Variants in DERA observed in about 807,000 individuals in gnomAD.
DERA encodes the protein 2-deoxy-D-ribose 5-phosphate aldolase.
Under a neutral mutation model 41.1 loss-of-function variants are expected in DERA, and 15 were observed. The observed-to-expected ratio is 0.37, with a 90% CI of 0.24 to 0.56. The LOEUF is 0.56. Among genes scored for constraint, DERA ranks in the 20% least tolerant of loss-of-function variants. DERA has a pLI of 0.81. For missense variants in DERA, 396 were observed against 403.4 expected, an observed-to-expected ratio of 0.98 and a Z score of 0.16; for synonymous variants, 139 against 137.4, an observed-to-expected ratio of 1.01 and a Z score of -0.08.
At chr12:15,919,757 C>T (rs1406859482) in intron 1 of DERA, among the ~76,000 whole-genome samples, 6 of 152,156 alleles carry the variant, frequency 3.9e-5, no homozygotes, top group South Asian at 2.1e-4. Flanking sequence ...GCCTTCCTCC[C>T]GCAAAGCAAA....
At chr12:15,947,356 G>T (rs559778220) in intron 1 of DERA, among the ~76,000 whole-genome samples, 1 of 152,264 alleles carries the variant, frequency 6.6e-6, no homozygotes, top group East Asian at 1.9e-4. Flanking sequence ...CTCTTTGTAG[G>T]TCTCTAAGGA....
rs183523394 is a variant in DERA, at chr12:15,998,534, C to A, written c.637+16098C>A. ...GTTTCTTCATATTGGCCAGGCTGGT[C>A]TCGAACTCCTGACCTCAGGTGATCC... On this transcript the variant is annotated intron_variant, in intron 6 of 8. Transcript: ENST00000428559. This position sits in a 1 kb window ranked among gnomAD's most constrained non-coding sequence, Gnocchi z 4.8. 9.5e-4 allele frequency among the ~76,000 whole-genome samples: 145 copies of A among 152,158 alleles called. No homozygotes were observed. The highest frequency in any genetic ancestry group is 1.8e-3 in the Non-Finnish European group (124 of 68,000).
rs926789521 is a variant in DERA, at chr12:15,915,476, A to G, written c.31+4062A>G. Among the ~76,000 whole-genome samples the G allele has an allele frequency of 2.6e-5, 4 of 152,204 alleles. No individual in the cohort carries two copies. Among genetic ancestry groups the G allele is most frequent in the Middle Eastern group, 3.4e-3 (1 of 294 alleles). On this transcript the variant is annotated intron_variant, in intron 1 of 8. Coordinates refer to ENST00000428559, the MANE Select transcript of DERA (RefSeq NM_015954.4). This position sits in a 1 kb window ranked among gnomAD's most constrained non-coding sequence, Gnocchi z 4.8. ...ATTTATTTGTTTATTTATTGTTTCA[A>G]TAGAGACCGTGTGTCAGTATGTTGA...
In DERA at chr12:15,995,245, A is replaced by G. The variant is rs1565608663; in HGVS notation, c.637+12809A>G. 6.6e-6 allele frequency among the ~76,000 whole-genome samples: 1 copy of G among 152,200 alleles called. No homozygotes were observed. Among genetic ancestry groups the G allele is most frequent in the Non-Finnish European group, 1.5e-5 (1 of 68,030 alleles). ...GAAGACATAATGGCAAGGTGTTTCT[A>G]TAGAGAGGCAAGGTGTTTGCAGAAA... On this transcript the variant is annotated intron_variant, in intron 6 of 8. Transcript: ENST00000428559. This position sits in a 1 kb window ranked among gnomAD's most constrained non-coding sequence, Gnocchi z 5.1.
At position 16,035,596 on chromosome 12, in the gene DERA, C is replaced by T. The variant is rs752978916; in HGVS notation, c.751-636C>T. 2.6e-5 allele frequency among the ~76,000 whole-genome samples: 4 copies of T among 152,182 alleles called. No individual in the cohort carries two copies. The highest frequency in any genetic ancestry group is 5.9e-5 in the Non-Finnish European group (4 of 68,022). On this transcript the variant is annotated intron_variant, in intron 7 of 8. Coordinates refer to ENST00000428559, the MANE Select transcript of DERA (RefSeq NM_015954.4). The surrounding 1 kb of genome is among the most constrained non-coding windows in gnomAD (Gnocchi z 4.1). ...TTAAAGACTACTGGACTATGAGGAG[C>T]CCCTCACGGTGTTTTTCTACTGCCC... is the stretch of plus-strand genomic sequence containing the variant.
In DERA at chr12:16,024,168, A is replaced by G. The variant is rs1017989548; in HGVS notation, c.638-8374A>G. ...CATCCAAAAACTTTGGGACAGTTTCAAAAGGCATAACATATGGTGTATAAT... is the reference window on the plus strand; with the variant it reads ...CATCCAAAAACTTTGGGACAGTTTCGAAAGGCATAACATATGGTGTATAAT... On this transcript the variant is annotated intron_variant, in intron 6 of 8. Coordinates refer to ENST00000428559, the MANE Select transcript of DERA (RefSeq NM_015954.4). Among the ~76,000 whole-genome samples, 8 of 152,226 alleles carry G rather than the reference A, an allele frequency of 5.3e-5. No homozygotes were observed. The East Asian group carries it at 1.5e-3, about 29-fold the overall frequency.
rs12228816 is a variant in DERA, at chr12:16,012,280, A to G, written c.638-20262A>G. 0.066 allele frequency among the ~76,000 whole-genome samples: 10,074 copies of G among 152,272 alleles called. 435 individuals are homozygous for G. The highest frequency in any genetic ancestry group is 0.089 in the Non-Finnish European group (6,082 of 68,016). On this transcript the variant is annotated intron_variant, in intron 6 of 8. Coordinates refer to ENST00000428559, the MANE Select transcript of DERA (RefSeq NM_015954.4). The surrounding 1 kb of genome is among the most constrained non-coding windows in gnomAD (Gnocchi z 4.1). ...TACTCCTGTGTATTTGAAAACTGAA[A>G]GCAAAGCCAGTTCCAGAACAGGATT...
chr12:16,037,307 T>A lies in DERA; in HGVS notation c.*561T>A, dbSNP rs892618488. ...ATAAAGTTCCTATAGTTTATTTTTT[T>A]AAAAAACTTAAAAATTGTTACAATA... is the stretch of plus-strand genomic sequence containing the variant. On this transcript the variant is annotated 3_prime_UTR_variant, in exon 9 of 9. Coordinates refer to ENST00000428559, the MANE Select transcript of DERA (RefSeq NM_015954.4). This position sits in a 1 kb window ranked among gnomAD's most constrained non-coding sequence, Gnocchi z 6.7. The A allele has an allele frequency of 5.3e-5, 8 of 152,334 alleles. No homozygotes were observed. Among genetic ancestry groups the A allele is most frequent in the South Asian group, 4.1e-4 (2 of 4,820 alleles). The allele number at this position is 152,334 out of a possible 1,614,324, so 9.4% of individuals were successfully genotyped here.
chr12:15,961,059 G>A (rs906297387), intron 4 of DERA, among the ~76,000 whole-genome samples: 3 of 152,190 alleles, frequency 2.0e-5, no homozygotes, highest in Non-Finnish European at 2.9e-5. Flanking sequence ...GGTTAGAGGC[G>A]TGACGTGATC....
At chr12:15,951,737 T>C (rs74065513) in intron 1 of DERA, among the ~76,000 whole-genome samples, 2,844 of 152,318 alleles carry the variant, frequency 0.019, 100 homozygotes, top group African/African-American at 0.063. Flanking sequence ...GCATATAGTT[T>C]ATTTTCTTTG....
At chr12:15,939,265 C>T (rs1948392693) in intron 1 of DERA, among the ~76,000 whole-genome samples, 1 of 152,146 alleles carries the variant, frequency 6.6e-6, no homozygotes, top group Admixed American at 6.5e-5. Context: ...GTCCCAGCCA[C>T]CATCTGAGTT....
chr12:15,920,297 C>G (rs1404385049), intron 1 of DERA, among the ~76,000 whole-genome samples: 1 of 152,142 alleles, frequency 6.6e-6, no homozygotes, highest in East Asian at 1.9e-4. Flanking sequence ...AGTCCAACCC[C>G]CTTCTGTTGT....
chr12:15,941,694 A>G lies in DERA; in HGVS notation c.32-15242A>G, dbSNP rs769536245. ...TCCAGCTCCACCCAAGTTGCTGCAAAAGACATTATTTCGTTTCCTTTTATG... is the reference window on the plus strand; with the variant it reads ...TCCAGCTCCACCCAAGTTGCTGCAAGAGACATTATTTCGTTTCCTTTTATG... On this transcript the variant is annotated intron_variant, in intron 1 of 8. Transcript: ENST00000428559. This position sits in a 1 kb window ranked among gnomAD's most constrained non-coding sequence, Gnocchi z 4.5. Among the ~76,000 whole-genome samples, 16 of 152,160 alleles carry G rather than the reference A, an allele frequency of 1.1e-4. No individual in the cohort carries two copies. The highest frequency in any genetic ancestry group is 2.4e-4 in the Non-Finnish European group (16 of 68,032).
chr12:16,005,026 G>A (rs892508164), intron 6 of DERA, among the ~76,000 whole-genome samples: 1 of 152,202 alleles, frequency 6.6e-6, no homozygotes, highest in Non-Finnish European at 1.5e-5. Context: ...CTAAAAGGCA[G>A]TTTAAAAGTT....
At chr12:15,927,774 A>T (rs1330123524) in intron 1 of DERA, among the ~76,000 whole-genome samples, 1 of 152,214 alleles carries the variant, frequency 6.6e-6, no homozygotes, top group Admixed American at 6.5e-5. Context: ...TATAACCTTC[A>T]CATTCCATAT....
At chr12:15,929,247 G>C (rs1020568541) in intron 1 of DERA, among the ~76,000 whole-genome samples, 1 of 152,198 alleles carries the variant, frequency 6.6e-6, no homozygotes, top group Non-Finnish European at 1.5e-5. Flanking sequence ...TTGATGACTT[G>C]TCAGAGCATT....
At chr12:15,939,394 G>A (rs1017158437) in intron 1 of DERA, among the ~76,000 whole-genome samples, 4 of 152,148 alleles carry the variant, frequency 2.6e-5, no homozygotes, top group Non-Finnish European at 5.9e-5. Context: ...TGTGGTGGTT[G>A]TTATGTAACA....
At chr12:15,948,289 G>T (rs925123978) in intron 1 of DERA, among the ~76,000 whole-genome samples, 3 of 152,194 alleles carry the variant, frequency 2.0e-5, no homozygotes, top group Non-Finnish European at 4.4e-5. Flanking sequence ...ATAATATCCT[G>T]CAGAGTGTTT....
chr12:15,930,556 G>C (rs1948319994), intron 1 of DERA, among the ~76,000 whole-genome samples: 2 of 152,004 alleles, frequency 1.3e-5, no homozygotes, highest in South Asian at 4.1e-4. Flanking sequence ...ATAGACAAGT[G>C]TTCATACACT....
Sources: allele counts gnomAD v4.1 joint callset (sites outside exome capture counted in the v4.1 genomes callset), GRCh38; gene constraint gnomAD v4.1.1; non-coding constraint Gnocchi (gnomAD v3.1); transcripts MANE v1.5; gene names NCBI Gene and HGNC (gene_info 2026-07-23, HGNC 2026-07-21).